DLG2: variants seen among roughly 807,000 people sequenced by gnomAD.
The protein encoded by DLG2 is disks large homolog 2.
A neutral mutation model predicts 132.5 loss-of-function variants in DLG2; 45 were observed. The observed-to-expected ratio is 0.34, with a 90% CI of 0.27 to 0.44. The LOEUF is 0.44. DLG2 is among the 20% of genes least tolerant of loss of function. The pLI is 1.00. For synonymous variants in DLG2, 424 were observed against 419.6 expected (o/e 1.01, Z -0.13); for missense variants, 1,045 against 1,196.9 (o/e 0.87, Z 1.87).
At chr11:83,742,664 T>C (rs748510026) in intron 18 of DLG2, among the ~76,000 whole-genome samples, 41 of 152,306 alleles carry the variant, frequency 2.7e-4, no homozygotes, top group East Asian at 7.7e-4. Context: ...TTCTGTATGA[T>C]ACTCCTGATG....
intron 3 of DLG2, among the ~76,000 whole-genome samples, chr11:85,488,968 T>C (rs2093495524): frequency 6.6e-6 from 1 of 151,938 alleles, no homozygotes; most frequent in Non-Finnish European, 1.5e-5. Context: ...AATCAGATGA[T>C]ACCACTATAG....
intron 6 of DLG2, among the ~76,000 whole-genome samples, chr11:85,064,071 G>T (rs978022374): frequency 6.6e-6 from 1 of 151,714 alleles, no homozygotes; most frequent in Non-Finnish European, 1.5e-5. Flanking sequence ...AAACAAATAC[G>T]AGGACAAAAC....
At chr11:84,809,280 T>C (rs1035217519) in intron 6 of DLG2, among the ~76,000 whole-genome samples, 12 of 151,918 alleles carry the variant, frequency 7.9e-5, no homozygotes, top group African/African-American at 2.9e-4. Flanking sequence ...AAGGAAACTT[T>C]CTCAACTCAA....
chr11:83,968,512 T>G (rs1028997656), intron 12 of DLG2, among the ~76,000 whole-genome samples: 1 of 152,226 alleles, frequency 6.6e-6, no homozygotes, highest in African/African-American at 2.4e-5. Flanking sequence ...ATATTAGAGA[T>G]ATGATAAATA....
intron 3 of DLG2, among the ~76,000 whole-genome samples, chr11:85,598,017 AT>A (rs1215174481): frequency 2.1e-4 from 18 of 87,062 alleles, no homozygotes; most frequent in Non-Finnish European, 4.1e-4. Context: ...ATAAAAAAAA[AT>A]ATATAAATAA....
intron 18 of DLG2, among the ~76,000 whole-genome samples, chr11:83,688,890 G>A (rs894948032): frequency 1.3e-5 from 2 of 152,034 alleles, no homozygotes; most frequent in South Asian, 2.1e-4. Flanking sequence ...CTATCCCTTT[G>A]CCAAAGTTAT....
At chr11:84,049,811 G>C (rs1036143474) in intron 11 of DLG2, among the ~76,000 whole-genome samples, 1 of 151,778 alleles carries the variant, frequency 6.6e-6, no homozygotes, top group African/African-American at 2.4e-5. Context: ...ATCAGAAGTT[G>C]TTAGAAATGA....
intron 7 of DLG2, among the ~76,000 whole-genome samples, chr11:84,499,767 T>A (rs919187543): frequency 1.3e-5 from 2 of 152,128 alleles, no homozygotes; most frequent in South Asian, 2.1e-4. Context: ...TCTCTCTCTC[T>A]CACATGCACA....
intron 6 of DLG2, among the ~76,000 whole-genome samples, chr11:85,019,985 T>C (rs1384940632): frequency 2.6e-5 from 4 of 152,196 alleles, no homozygotes; most frequent in African/African-American, 4.8e-5. Context: ...ATATACCCAG[T>C]AATGGGATGG....
intron 3 of DLG2, among the ~76,000 whole-genome samples, chr11:85,526,405 G>C (rs370223089): frequency 6.6e-6 from 1 of 151,694 alleles, no homozygotes; most frequent in Non-Finnish European, 1.5e-5. Context: ...TTAAAGACCT[G>C]ACAGAAAAAA....
intron 21 of DLG2, among the ~76,000 whole-genome samples, chr11:83,518,679 TAA>T (rs1565604223): frequency 2.0e-5 from 3 of 152,114 alleles, no homozygotes; most frequent in Admixed American, 1.3e-4. Context: ...CCAGCAACTT[TAA>T]GTGTCTGAAT....
At chr11:85,619,216 T>C (rs1211419056) in intron 2 of DLG2, among the ~76,000 whole-genome samples, 1 of 152,152 alleles carries the variant, frequency 6.6e-6, no homozygotes, top group African/African-American at 2.4e-5. Flanking sequence ...AGATATGGGA[T>C]ACCCAGGCTG....
chr11:84,229,376 T>C (rs1292971713), intron 8 of DLG2, among the ~76,000 whole-genome samples: 5 of 152,214 alleles, frequency 3.3e-5, no homozygotes, highest in Non-Finnish European at 2.9e-5. Context: ...TTTCTCTTGA[T>C]CCACGTAACC....
chr11:83,725,846 A>G (rs890451430), intron 18 of DLG2, among the ~76,000 whole-genome samples: 1 of 152,174 alleles, frequency 6.6e-6, no homozygotes, highest in Non-Finnish European at 1.5e-5. Context: ...CGGAGCTCAG[A>G]CATTTTCACT....
At chr11:85,135,642 T>C (rs2152420790) in intron 5 of DLG2, among the ~76,000 whole-genome samples, 1 of 152,318 alleles carries the variant, frequency 6.6e-6, no homozygotes, top group South Asian at 2.1e-4. Context: ...AGTCCCTAAG[T>C]CATTCACCTG....
At chr11:84,986,446 C>A (rs2056501952) in intron 6 of DLG2, among the ~76,000 whole-genome samples, 1 of 152,088 alleles carries the variant, frequency 6.6e-6, no homozygotes, top group Middle Eastern at 3.2e-3. Flanking sequence ...CACCCTAATA[C>A]CAAAACCAGG....
At chr11:85,272,095 G>A (rs1336099141) in intron 4 of DLG2, among the ~76,000 whole-genome samples, 1 of 152,196 alleles carries the variant, frequency 6.6e-6, no homozygotes, top group African/African-American at 2.4e-5. Context: ...GACCTGGTGA[G>A]AGGTAATTGA....
intron 6 of DLG2, among the ~76,000 whole-genome samples, chr11:84,847,229 C>T (rs2081585917): frequency 6.6e-6 from 1 of 152,040 alleles, no homozygotes; most frequent in African/African-American, 2.4e-5. Flanking sequence ...CCAAGAAGGG[C>T]CTACAGGAGA....
chr11:84,029,242 C>T (rs1009593906), intron 11 of DLG2, among the ~76,000 whole-genome samples: 19 of 152,006 alleles, frequency 1.2e-4, no homozygotes, highest in African/African-American at 4.1e-4. Flanking sequence ...AAACACTGAC[C>T]ACCAATAAAA....
Sources: allele counts gnomAD v4.1 joint callset (sites outside exome capture counted in the v4.1 genomes callset), GRCh38; gene constraint gnomAD v4.1.1; transcripts MANE v1.5; gene names NCBI Gene and HGNC (gene_info 2026-07-23, HGNC 2026-07-21).